UBE2G1: variants seen among roughly 807,000 people sequenced by gnomAD.
The protein encoded by UBE2G1 is ubiquitin-conjugating enzyme E2 G1.
UBE2G1 carries 5 observed loss-of-function variants against 22.7 expected under a neutral mutation model. That is an observed-to-expected ratio of 0.22 (90% CI 0.12 to 0.46). The LOEUF is 0.46. Among genes scored for constraint, UBE2G1 ranks in the 20% least tolerant of loss-of-function variants. The probability of loss-of-function intolerance (pLI) is 0.99; values close to 1 mark genes in which losing one functional copy is unlikely to be tolerated. For synonymous variants in UBE2G1, 74 were observed against 67.5 expected (o/e 1.10, Z -0.47); for missense variants, 88 against 203.9 (o/e 0.43, Z 3.46).
intron 1 of UBE2G1, among the ~76,000 whole-genome samples, chr17:4,336,881 T>C (rs573943433): frequency 6.6e-6 from 1 of 152,196 alleles, no homozygotes; most frequent in South Asian, 2.1e-4. Context: ...GCTGAACATG[T>C]GAAAGAATGA....
intron 1 of UBE2G1, among the ~76,000 whole-genome samples, chr17:4,339,286 G>C (rs561692175): frequency 1.7e-3 from 264 of 151,720 alleles, no homozygotes; most frequent in Non-Finnish European, 2.9e-3. Context: ...TCAATGTGTG[G>C]GTTCAGACCC....
chr17:4,289,511 A>T, intron 3 of UBE2G1, 103 bp from the exon 4 acceptor site: 1 of 1,245,862 alleles, frequency 8.0e-7, no homozygotes, highest in Middle Eastern at 2.5e-4. Context: ...CCTTTATCAA[A>T]CATGACACAT....
chr17:4,298,201 T>C (rs1461271478), intron 2 of UBE2G1, among the ~76,000 whole-genome samples: 1 of 152,208 alleles, frequency 6.6e-6, no homozygotes, highest in African/African-American at 2.4e-5. Context: ...GGCTCATGCC[T>C]GTAATTCTAG....
At chr17:4,275,944 G>C (rs1043391595) in intron 5 of UBE2G1, among the ~76,000 whole-genome samples, 1 of 152,054 alleles carries the variant, frequency 6.6e-6, no homozygotes, top group Non-Finnish European at 1.5e-5. Context: ...CTTCCTTTCT[G>C]AGCTCTCTGT....
intron 1 of UBE2G1, among the ~76,000 whole-genome samples, chr17:4,337,079 G>A (rs949172195): frequency 4.6e-5 from 7 of 152,160 alleles, no homozygotes; most frequent in Admixed American, 1.3e-4. Context: ...TAATTGAATG[G>A]AGTAATGTAA....
intron 1 of UBE2G1, among the ~76,000 whole-genome samples, chr17:4,362,040 G>C (rs1021277960): frequency 6.7e-6 from 1 of 150,262 alleles, no homozygotes; most frequent in African/African-American, 2.5e-5. Flanking sequence ...AGGGTGAAAA[G>C]ACTATGTTTT....
chr17:4,316,047 C>CCCA (rs1969367553), intron 1 of UBE2G1, among the ~76,000 whole-genome samples: 1 of 151,960 alleles, frequency 6.6e-6, no homozygotes, highest in African/African-American at 2.4e-5. Flanking sequence ...TCGTGATCCG[C>CCCA]CCACCTCGGC....
chr17:4,363,592 A>T (rs1969993077), intron 1 of UBE2G1, among the ~76,000 whole-genome samples: 1 of 152,110 alleles, frequency 6.6e-6, no homozygotes, highest in Non-Finnish European at 1.5e-5. Context: ...TTGTTATCTT[A>T]TTTTACTTTC....
chr17:4,296,287 C>T (rs1005249950), intron 3 of UBE2G1, among the ~76,000 whole-genome samples: 10 of 151,996 alleles, frequency 6.6e-5, no homozygotes, highest in Admixed American at 3.3e-4. Context: ...TTTTGGGACA[C>T]GGTCTCACTC....
At position 4,299,988 on chromosome 17, in the gene UBE2G1, C is replaced by T. The variant is rs553550546; in HGVS notation, c.150-3174G>A. On this transcript the variant is annotated intron_variant, in intron 2 of 5. Transcript: ENST00000396981. ...ATTACAAGCGCACACCACCACGTCC[C>T]GCTAATTTTTGTATCTTTAGTAGAG... Among the ~76,000 whole-genome samples, 61 of 151,750 alleles carry T rather than the reference C, an allele frequency of 4.0e-4. 1 individual carries two copies. Among genetic ancestry groups the T allele is most frequent in the African/African-American group, 1.4e-3 (58 of 41,424 alleles).
At chr17:4,297,842 T>A (rs1969129564) in intron 2 of UBE2G1, among the ~76,000 whole-genome samples, 1 of 152,252 alleles carries the variant, frequency 6.6e-6, no homozygotes, top group African/African-American at 2.4e-5. Flanking sequence ...ATTCTTCTGT[T>A]GTTCAATGTG....
chr17:4,358,050 T>C (rs1247064142), intron 1 of UBE2G1, among the ~76,000 whole-genome samples: 1 of 152,226 alleles, frequency 6.6e-6, no homozygotes, highest in Non-Finnish European at 1.5e-5. Context: ...TATACAATTA[T>C]ACATTCCCAC....
chr17:4,348,125 G>A (rs1261778116), intron 1 of UBE2G1, among the ~76,000 whole-genome samples: 2 of 152,220 alleles, frequency 1.3e-5, no homozygotes, highest in Non-Finnish European at 2.9e-5. Flanking sequence ...AGGCGCAATG[G>A]CGTGCACCTG....
At chr17:4,352,797 G>A (rs1597266100) in intron 1 of UBE2G1, among the ~76,000 whole-genome samples, 3 of 152,068 alleles carry the variant, frequency 2.0e-5, no homozygotes, top group Non-Finnish European at 2.9e-5. Context: ...GTATGAGGCC[G>A]GGCATGGTGG....
intron 1 of UBE2G1, among the ~76,000 whole-genome samples, chr17:4,316,188 T>C (rs73972433): frequency 0.015 from 2,277 of 152,172 alleles, 63 homozygotes; most frequent in African/African-American, 0.052. Context: ...ACGATTTTCC[T>C]TTGTGTCTGG....
chr17:4,306,515 G>C (rs899576569), intron 2 of UBE2G1, among the ~76,000 whole-genome samples: 2 of 152,074 alleles, frequency 1.3e-5, no homozygotes, highest in South Asian at 4.2e-4. Flanking sequence ...AATAGCAATA[G>C]GTCTTAGACA....
chr17:4,296,637 G>A, intron 3 of UBE2G1, 80 bp downstream of exon 3: 1 of 1,307,358 alleles, frequency 7.6e-7, no homozygotes. Flanking sequence ...CTGAGAAACA[G>A]ATCTTTCTTA....
chr17:4,333,595 G>C (rs943704326), intron 1 of UBE2G1, among the ~76,000 whole-genome samples: 1 of 152,132 alleles, frequency 6.6e-6, no homozygotes, highest in African/African-American at 2.4e-5. Flanking sequence ...GCTGAGGCGG[G>C]TGGATCACAG....
chr17:4,325,824 G>A (rs1969499236), intron 1 of UBE2G1, among the ~76,000 whole-genome samples: 1 of 152,068 alleles, frequency 6.6e-6, no homozygotes. Context: ...TTGCATATAT[G>A]GCCAACTGAT....
Sources: gnomAD v4.1 joint callset for allele counts (sites outside exome capture counted in the v4.1 genomes callset) on GRCh38, gnomAD v4.1.1 for gene constraint, MANE v1.5 for transcripts, NCBI Gene and HGNC (gene_info 2026-07-23, HGNC 2026-07-21) for gene names.